SFPQ: variants seen among roughly 807,000 people sequenced by gnomAD.
SFPQ encodes the protein splicing factor proline and glutamine rich, also known as splicing factor, proline- and glutamine-rich.
In SFPQ, 11 loss-of-function variants were observed where a neutral mutation model predicts 72.9. The ratio of observed to expected loss-of-function variants is 0.15; its 90% CI spans 0.09 to 0.25. The LOEUF (loss-of-function observed/expected upper bound fraction) is 0.25, where lower values mean the gene tolerates loss of function less well. Among genes scored for constraint, SFPQ ranks in the 10% least tolerant of loss-of-function variants. The pLI is 1.00. For missense variants in SFPQ, 847 were observed against 993.3 expected, an observed-to-expected ratio of 0.85 and a Z score of 1.98; for synonymous variants, 506 against 367.3, an observed-to-expected ratio of 1.38 and a Z score of -4.32.
downstream of SFPQ, chr1:35,182,781 G>A (rs939584468): frequency 7.1e-6 from 7 of 985,246 alleles, no homozygotes; most frequent in African/African-American, 8.7e-5. Context: ...TTTACCTACT[G>A]TTAGGAAGCT....
rs113198318 is a variant in SFPQ, at chr1:35,184,107, T to G, written c.*349A>C. 2.9e-5 allele frequency: 33 copies of G among 1,121,720 alleles called. 1 individual carries two copies. The highest frequency in any genetic ancestry group is 2.8e-4 in the African/African-American group (17 of 61,316). The allele number at this position is 1,121,720 out of a possible 1,614,324, so 69.5% of individuals were successfully genotyped here. On this transcript the variant is annotated 3_prime_UTR_variant, in exon 10 of 10. Transcript: ENST00000357214. ...ATGCATAGAAGCATGAATGGCAAAG[T>G]TGAAGATCAATATTATAACTATTTT... is the stretch of plus-strand genomic sequence containing the variant.
chr1:35,176,697 G>C (rs1639252576), intron 5 of SFPQ, among the ~76,000 whole-genome samples: 2 of 151,364 alleles, frequency 1.3e-5, no homozygotes, highest in African/African-American at 4.9e-5. Context: ...GTGAAACTCT[G>C]TCTCTACTAA....
intron 5 of SFPQ, among the ~76,000 whole-genome samples, chr1:35,176,647 A>T (rs1639249793): frequency 6.6e-6 from 1 of 152,032 alleles, no homozygotes; most frequent in Non-Finnish European, 1.5e-5. Context: ...AGGAGGGCGG[A>T]TCACAGGGTC....
rs1286794634 is a variant in SFPQ, at chr1:35,183,042, G to A, written c.*1414C>T. On this transcript the variant is annotated 3_prime_UTR_variant, in exon 10 of 10. Coordinates refer to ENST00000357214, the MANE Select transcript of SFPQ (RefSeq NM_005066.3). The stretch of plus-strand genomic sequence containing the variant: ...TGAAAACGAAACTATGTGAAAACAA[G>A]TTAAATTTACAATAAGAATGATTAT... 3 of 1,034,188 alleles carry A rather than the reference G, an allele frequency of 2.9e-6. No homozygotes were observed. The highest frequency in any genetic ancestry group is 1.7e-5 in the African/African-American group (1 of 59,248). The allele number at this position is 1,034,188 out of a possible 1,614,324, so 64.1% of individuals were successfully genotyped here.
Position 35,192,386 on chromosome 1 carries a change from G to T in SFPQ, c.664C>A (p.Pro222Thr). 2.1e-6 allele frequency: 3 copies of T among 1,411,712 alleles called. No homozygotes were observed. Among genetic ancestry groups the T allele is most frequent in the Non-Finnish European group, 2.7e-6 (3 of 1,092,334 alleles). The allele number at this position is 1,411,712 out of a possible 1,614,324, so 87.4% of individuals were successfully genotyped here. ...MPGGPKPGGG[P>T]GLSTPGGHPK... ...TGGCCGCCAGGCGTACTTAGGCCCGGGCCGCCACCTGGCTTCGGCCCGCCA... is the reference window on the plus strand; with the variant it reads ...TGGCCGCCAGGCGTACTTAGGCCCGTGCCGCCACCTGGCTTCGGCCCGCCA... Residue 222 changes from proline to threonine, a missense_variant, in exon 1 of 10, where the codon CCG (proline) becomes ACG (threonine). Around this residue, in one of 6 missense-constraint regions of SFPQ, gnomAD observed 498 missense variants for 405.1 expected, o/e 1.23. Coordinates refer to ENST00000357214, the MANE Select transcript of SFPQ (RefSeq NM_005066.3).
At chr1:35,181,430 A>AT (rs1161133284), downstream of SFPQ, 56 of 1,063,590 alleles carry the variant, frequency 5.3e-5, no homozygotes, top group Non-Finnish European at 6.3e-5. Flanking sequence ...CAATTTCCCC[A>AT]TTTTTTAGCT....
chr1:35,188,502 C>A (rs1249961884), intron 6 of SFPQ, among the ~76,000 whole-genome samples: 1 of 152,034 alleles, frequency 6.6e-6, no homozygotes, highest in African/African-American at 2.4e-5. Context: ...AGGAAGACTC[C>A]ATCTCCACAA....
chr1:35,191,206 T>C (rs1639979558), intron 2 of SFPQ, 135 bp downstream of exon 2: 5 of 871,018 alleles, frequency 5.7e-6, no homozygotes, highest in Non-Finnish European at 5.3e-6. Flanking sequence ...CAAGCATTTT[T>C]CCTGTAAGAA....
chr1:35,190,261 T>C (rs10908386), intron 4 of SFPQ, among the ~76,000 whole-genome samples: 36,613 of 152,164 alleles, frequency 0.24, 9,500 homozygotes, highest in East Asian at 0.66. Flanking sequence ...GTCACACACG[T>C]GACTTTATGC....
At chr1:35,177,241 A>G (rs1639283523) in intron 5 of SFPQ, 1 of 152,194 alleles carries the variant, frequency 6.6e-6, no homozygotes, top group East Asian at 1.9e-4. Flanking sequence ...AATGGTTCCC[A>G]CATTAGTATT....
rs777162086 is a variant in SFPQ at position 35,190,963 on chromosome 1, G to A, written c.1050C>T (p.Ala350=). 4.3e-5 allele frequency: 69 copies of A among 1,613,706 alleles called. No individual in the cohort carries two copies. The highest frequency in any genetic ancestry group is 1.6e-4 in the Middle Eastern group (1 of 6,082). Residue 350 remains alanine (A), a synonymous_variant, in exon 3 of 10, where the codon GCC becomes GCT. Coordinates refer to ENST00000357214, the MANE Select transcript of SFPQ (RefSeq NM_005066.3). ...CTCTCATGGGTGTATCATCCAGTTC[G>A]GCTTTGGCAATTTCAGCCAAAGCTC... ...ESRALAEIAK[A]ELDDTPMRGR...
In SFPQ at chr1:35,183,395, T is replaced by C. The variant is rs1639562788; in HGVS notation, c.*1061A>G. ...ACCACGCCCAGCTAATTTTTTGTAT[T>C]TTTAGTAGAGACGGGGTTTCACCAT... On this transcript the variant is annotated 3_prime_UTR_variant, in exon 10 of 10. Transcript: ENST00000357214. 2 of 307,416 alleles carry C rather than the reference T, an allele frequency of 6.5e-6. No homozygotes were observed. The highest frequency in any genetic ancestry group is 4.5e-5 in the African/African-American group (2 of 44,328). The allele number at this position is 307,416 out of a possible 1,614,324, so 19.0% of individuals were successfully genotyped here.
chr1:35,178,442 T>C, downstream of SFPQ: 1 of 1,063,876 alleles, frequency 9.4e-7, no homozygotes, highest in Non-Finnish European at 1.1e-6. Context: ...AAGTATGTCT[T>C]CCATTGTCAG....
intron 9 of SFPQ, among the ~76,000 whole-genome samples, chr1:35,185,707 T>C (rs548318619): frequency 2.6e-5 from 4 of 152,342 alleles, no homozygotes; most frequent in East Asian, 3.9e-4. Flanking sequence ...CAAAATACTA[T>C]TGAGCTACTC....
downstream of SFPQ, chr1:35,179,371 ATT>A: frequency 8.5e-6 from 9 of 1,057,296 alleles, no homozygotes; most frequent in Non-Finnish European, 1.0e-5. Flanking sequence ...CACCCATTGC[ATT>A]TCTTTCATCT....
At chr1:35,182,669 A>T, downstream of SFPQ, 1 of 985,422 alleles carries the variant, frequency 1.0e-6, no homozygotes, top group African/African-American at 1.7e-5. Flanking sequence ...TAGCACCAAG[A>T]AAAGAGGTGA....
At chr1:35,180,546 T>TGAA, downstream of SFPQ, 1 of 1,049,056 alleles carries the variant, frequency 9.5e-7, no homozygotes, top group Non-Finnish European at 1.2e-6. Context: ...TCCCATAACT[T>TGAA]GAACTATTCA....
At position 35,192,259 on chromosome 1, in the gene SFPQ, G is replaced by A. The variant is rs1370613070; in HGVS notation, c.791C>T (p.Pro264Leu). 2 of 1,462,980 alleles carry A rather than the reference G, an allele frequency of 1.4e-6. No individual in the cohort carries two copies. The highest frequency in any genetic ancestry group is 3.1e-5 in the East Asian group (1 of 32,446). The allele number at this position is 1,462,980 out of a possible 1,614,324, so 90.6% of individuals were successfully genotyped here. A position where few individuals can be genotyped will look rare whatever the true frequency, so the allele number is the denominator to read the frequency against. The stretch of plus-strand genomic sequence containing the variant: ...GATCTTCTCCTCGCTGCGGCCGCCG[G>A]GCCCGCCGGGCGGGGGCCCCTGGTG... Reference protein sequence around the residue: ...QHHQGPPPGGPGGRSEEKISD... With the variant: ...QHHQGPPPGGLGGRSEEKISD... The change falls in exon 1 of 10, where the codon CCC becomes CTC. Residue 264 changes from proline to leucine, a missense_variant. Coordinates refer to ENST00000357214, the MANE Select transcript of SFPQ (RefSeq NM_005066.3).
intron 4 of SFPQ, 129 bp from the exon 5 acceptor site, chr1:35,189,511 C>A: frequency 1.6e-6 from 1 of 637,234 alleles, no homozygotes; most frequent in Non-Finnish European, 2.6e-6. Context: ...TTTCCTGATT[C>A]ATCTATAAAT....
Sources: gnomAD v4.1 joint callset for allele counts (sites outside exome capture counted in the v4.1 genomes callset) on GRCh38, gnomAD v4.1.1 for gene constraint, gnomAD v4.1.1 regional missense constraint, MANE v1.5 for transcripts, NCBI Gene and HGNC (gene_info 2026-07-23, HGNC 2026-07-21) for gene names.